The following MBOAT7 variants were observed in gnomAD, a reference collection of about 807,000 sequenced individuals.
MBOAT7 encodes the protein membrane-bound acylglycerophosphatidylinositol O-acyltransferase MBOAT7.
In MBOAT7, 40 loss-of-function variants were observed where a neutral mutation model predicts 47.4. The observed-to-expected ratio is 0.84, with a 90% CI of 0.66 to 1.10. MBOAT7 has a LOEUF of 1.10. MBOAT7 is among the 50% of genes least tolerant of loss of function. MBOAT7 has a pLI of 0.00. For synonymous variants in MBOAT7, 361 were observed against 292.0 expected (o/e 1.24, Z -2.41); for missense variants, 680 against 655.6 (o/e 1.04, Z -0.41).
rs182165285 is a variant in MBOAT7, at chr19:54,183,473, G to T, written c.493+48C>A. ...ACAGAACAGGCACTCAGGGCGGAAG[G>T]GGACACAGGAGACAGAGCGGCAGAG... On this transcript the variant is annotated intron_variant, in intron 5 of 7. Coordinates refer to ENST00000245615, the MANE Select transcript of MBOAT7 (RefSeq NM_024298.5). The T allele has an allele frequency of 1.9e-6, 3 of 1,584,742 alleles. No homozygotes were observed. In the African/African-American group the frequency reaches 4.1e-5, roughly 22 times the overall value.
rs1000304241 is a variant in MBOAT7, at chr19:54,185,871, T to C, written c.333+1290A>G. Reference sequence around the variant, plus strand: ...CCACCACACCCGGCTCATTTTTGTATTTTTAGTAGAGACGGAGTTTTACCA... The same window carrying C: ...CCACCACACCCGGCTCATTTTTGTACTTTTAGTAGAGACGGAGTTTTACCA... On this transcript the variant is annotated intron_variant, in intron 4 of 7. Coordinates refer to ENST00000245615, the MANE Select transcript of MBOAT7 (RefSeq NM_024298.5). 6.0e-5 allele frequency among the ~76,000 whole-genome samples: 9 copies of C among 150,496 alleles called. 1 individual carries two copies. In the South Asian group the frequency reaches 6.3e-4, roughly 11 times the overall value.
intron 5 of MBOAT7, 115 bp downstream of exon 5, chr19:54,183,406 A>G: frequency 1.6e-6 from 2 of 1,224,768 alleles, no homozygotes; most frequent in Non-Finnish European, 2.3e-6. Context: ...CCCTCACAGC[A>G]GCAGATGCTA....
chr19:54,175,091 T>C (rs2076056581), intron 7 of MBOAT7, among the ~76,000 whole-genome samples: 2 of 150,718 alleles, frequency 1.3e-5, no homozygotes, highest in Non-Finnish European at 3.0e-5. Flanking sequence ...TTCTCCTGCC[T>C]CAGCCTCCCG....
In MBOAT7 at chr19:54,174,136, G is replaced by T. The variant is rs1206488099; in HGVS notation, c.1327C>A (p.Leu443Met). The change falls in exon 8 of 8, where the codon CTG (leucine) becomes ATG (methionine). Residue 443 changes from leucine to methionine, a missense_variant. By Grantham distance (15) the Leu-to-Met change is conservative (BLOSUM62 2). Transcript: ENST00000245615. ...IHFLALAALGLGLALGGGSPS... is the reference protein window; with the variant it reads ...IHFLALAALGMGLALGGGSPS... ...CTGCCCCCACCTAAAGCCAGCCCCAGCCCCAGGGCTGCCAGGGCCAGGAAG... is the reference window on the plus strand; with the variant it reads ...CTGCCCCCACCTAAAGCCAGCCCCATCCCCAGGGCTGCCAGGGCCAGGAAG... 6.2e-7 allele frequency: 1 copy of T among 1,600,632 alleles called. No individual in the cohort carries two copies. The highest frequency in any genetic ancestry group is 8.5e-7 in the Non-Finnish European group (1 of 1,174,332).
intron 7 of MBOAT7, 99 bp downstream of exon 7, chr19:54,178,666 C>CG: frequency 2.7e-6 from 4 of 1,507,872 alleles, no homozygotes; most frequent in South Asian, 1.3e-5. Context: ...CATGAGCCTC[C>CG]GGGGGCAGGG....
chr19:54,174,915 T>A (rs1343321251), intron 7 of MBOAT7, among the ~76,000 whole-genome samples: 1 of 151,964 alleles, frequency 6.6e-6, no homozygotes, highest in Admixed American at 6.6e-5. Context: ...GATTTAACAT[T>A]TTATATTCCA....
chr19:54,184,289 C>T (rs1200283231), intron 4 of MBOAT7, among the ~76,000 whole-genome samples: 2 of 151,612 alleles, frequency 1.3e-5, no homozygotes, highest in African/African-American at 4.9e-5. Context: ...CTCAGCTGGC[C>T]AGGCTGGTCT....
chr19:54,175,543 C>T (rs551047664), intron 7 of MBOAT7, among the ~76,000 whole-genome samples: 2 of 152,262 alleles, frequency 1.3e-5, no homozygotes, highest in East Asian at 1.9e-4. Flanking sequence ...TCCTCTTCCT[C>T]CAAGGCCCAG....
chr19:54,179,920 G>C (rs150145846), intron 6 of MBOAT7: 46 of 152,374 alleles, frequency 3.0e-4, no homozygotes, highest in African/African-American at 1.1e-3. Context: ...CACAAGGGCA[G>C]TCTACTCCTG....
At chr19:54,184,231 C>T (rs955211788) in intron 4 of MBOAT7, among the ~76,000 whole-genome samples, 21 of 134,272 alleles carry the variant, frequency 1.6e-4, no homozygotes, top group African/African-American at 2.3e-4. Context: ...GGTGTGATCT[C>T]GGCTCACTGC....
At chr19:54,178,503 G>A (rs1320955151) in intron 7 of MBOAT7, 1 of 1,347,724 alleles carries the variant, frequency 7.4e-7, no homozygotes, top group African/African-American at 1.5e-5. Context: ...GCTGGCTATT[G>A]AGTCCACAGG....
chr19:54,178,749 G>T lies in MBOAT7; in HGVS notation c.1031+16C>A, dbSNP rs769652995. 1.2e-6 allele frequency: 2 copies of T among 1,612,210 alleles called. No individual in the cohort carries two copies. The highest frequency in any genetic ancestry group is 2.7e-5 in the African/African-American group (2 of 75,054). On this transcript the variant is annotated intron_variant, in intron 7 of 7. Transcript: ENST00000245615. Reference sequence around the variant, plus strand: ...TAGTTCTGCAGTGTCACCTGAGACTGGGCGGGCTCACTCACCGCAGGACAT... The same window carrying T: ...TAGTTCTGCAGTGTCACCTGAGACTTGGCGGGCTCACTCACCGCAGGACAT...
At position 54,174,381 on chromosome 19, in the gene MBOAT7, C is replaced by T. The variant is rs778756220; in HGVS notation, c.1082G>A (p.Gly361Asp). 7 of 1,607,236 alleles carry T rather than the reference C, an allele frequency of 4.4e-6. No homozygotes were observed. Among genetic ancestry groups the T allele is most frequent in the Non-Finnish European group, 5.9e-6 (7 of 1,176,628 alleles). The change falls in exon 8 of 8, where the codon GGC (glycine) becomes GAC (aspartate). Residue 361 changes from glycine (G) to aspartate (D), a missense_variant. Gly to Asp is a moderately conservative substitution (Grantham distance 94). Coordinates refer to ENST00000245615, the MANE Select transcript of MBOAT7 (RefSeq NM_024298.5). ...GATGGTCAGGAAGCTCAGGTAGTAG[C>T]CCGGGTGGAGGCCGTGCCAGTAGGC... ...LSAYWHGLHP[G>D]YYLSFLTIPL...
chr19:54,178,595 C>G, intron 7 of MBOAT7, 170 bp downstream of exon 7: 1 of 1,429,388 alleles, frequency 7.0e-7, no homozygotes. Context: ...CGATTTTACA[C>G]CGGCATGCTG....
Position 54,181,087 on chromosome 19 carries a change from G to A in MBOAT7, c.540C>T (p.Pro180=), listed in dbSNP as rs1287366603. The change falls in exon 6 of 8, where the codon CCC becomes CCT. Residue 180 remains proline, a synonymous_variant. Coordinates refer to ENST00000245615, the MANE Select transcript of MBOAT7 (RefSeq NM_024298.5). ...YRTYLDWLEQ[P]FPGAVPSLRP... ...GCAGGCTGGGCACTGCCCCGGGGAAGGGCTGCTCCAGCCAGTCCAGGTAGG... is the reference window on the plus strand; with the variant it reads ...GCAGGCTGGGCACTGCCCCGGGGAAAGGCTGCTCCAGCCAGTCCAGGTAGG... 2 of 1,521,120 alleles carry A rather than the reference G, an allele frequency of 1.3e-6. No individual in the cohort carries two copies. The highest frequency in any genetic ancestry group is 1.8e-6 in the Non-Finnish European group (2 of 1,134,170). The allele number at this position is 1,521,120 out of a possible 1,614,324, so 94.2% of individuals were successfully genotyped here. A position where few individuals can be genotyped will look rare whatever the true frequency, so the allele number is the denominator to read the frequency against.
chr19:54,188,556 G>A (rs370086191), intron 1 of MBOAT7, 45 bp from the exon 2 acceptor site: 3 of 1,525,348 alleles, frequency 2.0e-6, no homozygotes, highest in Non-Finnish European at 2.7e-6. Context: ...AGGAATCCAG[G>A]CCCCCTGCCT....
At chr19:54,185,039 A>G (rs2076393789) in intron 4 of MBOAT7, among the ~76,000 whole-genome samples, 1 of 151,056 alleles carries the variant, frequency 6.6e-6, no homozygotes, top group Admixed American at 6.6e-5. Context: ...GTGAAACCCC[A>G]TCTCTACTAA....
Position 54,174,195 on chromosome 19 carries a change from A to C in MBOAT7, c.1268T>G (p.Leu423Arg). The change falls in exon 8 of 8, where the codon CTT becomes CGT. Residue 423 changes from leucine (L) to arginine (R), a missense_variant. Physicochemically the swap from Leu to Arg is moderately radical, Grantham distance 102. Coordinates refer to ENST00000245615, the MANE Select transcript of MBOAT7 (RefSeq NM_024298.5). Reference protein sequence around the residue: ...GFVLLSLADTLRYWASIYFCI... With the variant: ...GFVLLSLADTRRYWASIYFCI... ...GAAGTAGATGGAGGCCCAGTACCGA[A>C]GGGTGTCGGCCAAGGAGAGCAGCAC... The C allele has an allele frequency of 6.2e-7, 1 of 1,600,052 alleles. No homozygotes were observed. The highest frequency in any genetic ancestry group is 1.3e-5 in the African/African-American group (1 of 74,444).
intron 7 of MBOAT7, among the ~76,000 whole-genome samples, chr19:54,177,049 C>G (rs1452154857): frequency 6.6e-6 from 1 of 151,774 alleles, no homozygotes; most frequent in African/African-American, 2.4e-5. Flanking sequence ...TGGTGAAACC[C>G]TGCGTCTACT....
Sources: gnomAD v4.1 joint callset for allele counts (sites outside exome capture counted in the v4.1 genomes callset) on GRCh38, gnomAD v4.1.1 for gene constraint, MANE v1.5 for transcripts, NCBI Gene and HGNC (gene_info 2026-07-23, HGNC 2026-07-21) for gene names.